The following KIF11 variants were observed in gnomAD, a reference collection of about 807,000 sequenced individuals.
KIF11 encodes the protein kinesin family member 11, also known as kinesin-like protein KIF11.
Under a neutral mutation model 121.0 loss-of-function variants are expected in KIF11, and 9 were observed. The observed-to-expected ratio is 0.07, with a 90% CI of 0.04 to 0.13. KIF11 has a LOEUF of 0.13. Among genes scored for constraint, KIF11 ranks in the 10% least tolerant of loss-of-function variants. The pLI is 1.00. For missense variants in KIF11, 846 were observed against 1,217.5 expected (o/e 0.69, Z 4.54); for synonymous variants, 408 against 421.0 (o/e 0.97, Z 0.38).
chr10:92,614,055 C>T (rs905561433), intron 8 of KIF11, among the ~76,000 whole-genome samples: 14 of 142,344 alleles, frequency 9.8e-5, no homozygotes, highest in Middle Eastern at 3.8e-3. Flanking sequence ...CACACACACA[C>T]ACACACACAC....
intron 1 of KIF11, among the ~76,000 whole-genome samples, chr10:92,595,752 C>T (rs1333351601): frequency 1.3e-5 from 2 of 152,090 alleles, no homozygotes; most frequent in South Asian, 2.1e-4. Flanking sequence ...CCCATCAACC[C>T]GACACCTACC....
At chr10:92,650,098 T>A in intron 20 of KIF11, 112 bp downstream of exon 20, 1 of 765,256 alleles carries the variant, frequency 1.3e-6, no homozygotes, top group Non-Finnish European at 2.1e-6. Flanking sequence ...CCGCCTCTCA[T>A]TAATGATAGG....
At chr10:92,645,217 T>C in intron 17 of KIF11, 146 bp from the exon 18 acceptor site, 1 of 591,276 alleles carries the variant, frequency 1.7e-6, no homozygotes, top group Non-Finnish European at 2.9e-6. Flanking sequence ...CCATTCTCAA[T>C]GCAGAAGATT....
Position 92,648,453 on chromosome 10 carries a change from A to G in KIF11, c.2770+19A>G, listed in dbSNP as rs1221171754. The G allele has an allele frequency of 1.3e-6, 2 of 1,482,260 alleles. No homozygotes were observed. Among genetic ancestry groups the G allele is most frequent in the South Asian group, 1.3e-5 (1 of 79,436 alleles). 91.8% of individuals were successfully genotyped at this position (1,482,260 alleles called of 1,614,324 possible). On this transcript the variant is annotated intron_variant, in intron 19 of 21. Transcript: ENST00000260731. Reference sequence around the variant, plus strand: ...CCAACAGGTACTTTAAAAGAGAAATAGAATTGTTAAATTTTTTGAAGTCGA... The same window carrying G: ...CCAACAGGTACTTTAAAAGAGAAATGGAATTGTTAAATTTTTTGAAGTCGA...
intron 9 of KIF11, among the ~76,000 whole-genome samples, chr10:92,618,942 T>C (rs1324957287): frequency 6.6e-6 from 1 of 152,176 alleles, no homozygotes; most frequent in East Asian, 1.9e-4. Context: ...CCCAGTAACC[T>C]GTCCTCTATC....
intron 1 of KIF11, among the ~76,000 whole-genome samples, chr10:92,604,236 C>T (rs4933731): frequency 0.11 from 16,176 of 152,200 alleles, 1,019 homozygotes; most frequent in South Asian, 0.16. Flanking sequence ...TAAAGCTTCT[C>T]TGAGAATTTT....
intron 14 of KIF11, among the ~76,000 whole-genome samples, chr10:92,635,500 G>A (rs550355472): frequency 2.0e-5 from 3 of 152,182 alleles, no homozygotes; most frequent in Admixed American, 2.0e-4. Context: ...ACGCCTGGTG[G>A]GACAATCAGA....
At chr10:92,609,286 G>GAA (rs1844465362) in intron 5 of KIF11, 81 bp downstream of exon 5, 4 of 1,340,600 alleles carry the variant, frequency 3.0e-6, no homozygotes, top group Non-Finnish European at 4.0e-6. Flanking sequence ...GAGAGAGAGA[G>GAA]AGAGAGAGAG....
chr10:92,613,741 TG>T lies in KIF11; in HGVS notation c.1032+124del. 1.1e-6 allele frequency: 1 copy of T among 950,742 alleles called. No individual in the cohort carries two copies. The highest frequency in any genetic ancestry group is 2.6e-5 in the East Asian group (1 of 38,120). 58.9% of individuals were successfully genotyped at this position (950,742 alleles called of 1,614,324 possible). ...ACTCACACCTGTAAACCCAGCACTT[TG>T]GAAGTCCAAGGTGGGCGGATCACTT... On this transcript the variant is annotated intron_variant, in intron 8 of 21. Coordinates refer to ENST00000260731, the MANE Select transcript of KIF11 (RefSeq NM_004523.4). This position sits in a 1 kb window ranked among gnomAD's most constrained non-coding sequence, Gnocchi z 4.2.
At chr10:92,645,261 C>G in intron 17 of KIF11, 102 bp from the exon 18 acceptor site, 1 of 796,222 alleles carries the variant, frequency 1.3e-6, no homozygotes, top group Non-Finnish European at 2.0e-6. Flanking sequence ...CCAGACTGTC[C>G]ACGTTCAGAT....
At chr10:92,639,710 A>G (rs903019719) in intron 16 of KIF11, 84 bp from the exon 17 acceptor site, 6 of 738,192 alleles carry the variant, frequency 8.1e-6, no homozygotes, top group South Asian at 1.7e-5. Context: ...CCTATGGACA[A>G]TACTTCTTGT....
chr10:92,638,568 C>A (rs928638056), intron 16 of KIF11, among the ~76,000 whole-genome samples: 1 of 152,036 alleles, frequency 6.6e-6, no homozygotes. Flanking sequence ...TTTAAAAAAA[C>A]AATACAAAAA....
intron 10 of KIF11, among the ~76,000 whole-genome samples, chr10:92,626,222 A>G (rs1844675252): frequency 6.6e-6 from 1 of 152,208 alleles, no homozygotes; most frequent in South Asian, 2.1e-4. Context: ...ACAAAAACAG[A>G]CACAGACCAA....
chr10:92,596,065 G>A (rs959542008), intron 1 of KIF11, among the ~76,000 whole-genome samples: 2 of 152,052 alleles, frequency 1.3e-5, no homozygotes, highest in African/African-American at 2.4e-5. Flanking sequence ...GCAGTGGCGC[G>A]GTCTTGGCTC....
intron 1 of KIF11, among the ~76,000 whole-genome samples, chr10:92,598,567 A>C (rs371659797): frequency 6.6e-6 from 1 of 152,180 alleles, no homozygotes; most frequent in African/African-American, 2.4e-5. Context: ...TGTTTTGGCT[A>C]TCTGGACTCC....
intron 10 of KIF11, among the ~76,000 whole-genome samples, chr10:92,623,924 T>G (rs7095585): frequency 6.6e-6 from 1 of 151,976 alleles, no homozygotes; most frequent in Admixed American, 6.6e-5. Flanking sequence ...CAGGAGTACA[T>G]GTGCAGATTT....
rs535599295 is a variant in KIF11, at chr10:92,653,777, G to A, written c.3152G>A (p.Arg1051Gln). 31 of 1,613,188 alleles carry A rather than the reference G, an allele frequency of 1.9e-5. No individual in the cohort carries two copies. Among genetic ancestry groups the A allele is most frequent in the South Asian group, 1.4e-4 (13 of 90,918 alleles). ...GTTACAAAGAGCAGATTACCTCTGC[G>A]AGCCCAGATCAACCTTTAATTCACT... The part of the protein sequence containing the change: ...HLVTKSRLPL[R>Q]AQINL The change falls in exon 22 of 22, where the codon CGA (arginine) becomes CAA (glutamine). Residue 1051 changes from arginine (R) to glutamine (Q), a missense_variant. Arg to Gln is a conservative substitution (Grantham distance 43, BLOSUM62 1). This residue lies in a region of KIF11 where 492 missense variants were observed against 603.4 expected (regional missense o/e 0.82). Transcript: ENST00000260731.
At chr10:92,620,078 C>CTTTTTTTTTTTTTTTTTT (rs1270524883) in intron 9 of KIF11, among the ~76,000 whole-genome samples, 1 of 125,494 alleles carries the variant, frequency 8.0e-6, no homozygotes, top group Non-Finnish European at 1.7e-5. Flanking sequence ...GGTTCTTTGT[C>CTTTTTTTTTTTTTTTTTT]TTTTTTTTTT....
At chr10:92,649,017 T>A (rs962367621) in intron 19 of KIF11, among the ~76,000 whole-genome samples, 1 of 152,214 alleles carries the variant, frequency 6.6e-6, no homozygotes, top group Non-Finnish European at 1.5e-5. Flanking sequence ...GGGTTCTTCA[T>A]TGGATTATGG....
Sources: gnomAD v4.1 joint callset for allele counts (sites outside exome capture counted in the v4.1 genomes callset) on GRCh38, gnomAD v4.1.1 for gene constraint, gnomAD v4.1.1 regional missense constraint, Gnocchi (gnomAD v3.1) non-coding constraint, MANE v1.5 for transcripts, NCBI Gene and HGNC (gene_info 2026-07-23, HGNC 2026-07-21) for gene names.